The following PLEK2 variants were observed in gnomAD, a reference collection of about 807,000 sequenced individuals.
PLEK2 encodes pleckstrin-2.
In PLEK2, 29 loss-of-function variants were observed where a neutral mutation model predicts 43.8. The observed-to-expected ratio is 0.66, with a 90% CI of 0.49 to 0.90. The LOEUF is 0.90. PLEK2 is among the 40% of genes least tolerant of loss of function. The pLI is 0.00. For synonymous variants in PLEK2, 162 were observed against 173.2 expected, an observed-to-expected ratio of 0.94 and a Z score of 0.51; for missense variants, 398 against 448.1, an observed-to-expected ratio of 0.89 and a Z score of 1.01.
chr14:67,408,356 A>C (rs181726111), intron 1 of PLEK2, among the ~76,000 whole-genome samples: 2 of 150,272 alleles, frequency 1.3e-5, no homozygotes, highest in Non-Finnish European at 3.0e-5. Context: ...AAATAAAATA[A>C]AAAAAGAAAA....
chr14:67,406,935 T>A (rs1318050447), intron 1 of PLEK2, among the ~76,000 whole-genome samples: 1 of 152,134 alleles, frequency 6.6e-6, no homozygotes, highest in Non-Finnish European at 1.5e-5. Context: ...TTTAGGTTTC[T>A]TGTCTGTAAT....
Position 67,412,118 on chromosome 14 carries a change from C to G in PLEK2, c.-59G>C. The G allele has an allele frequency of 7.0e-7, 1 of 1,425,340 alleles. No individual in the cohort carries two copies. The highest frequency in any genetic ancestry group is 1.4e-5 in the South Asian group (1 of 70,598). 88.3% of individuals were successfully genotyped at this position (1,425,340 alleles called of 1,614,324 possible). On this transcript the variant is annotated 5_prime_UTR_variant, in exon 1 of 9. Transcript: ENST00000216446. ...CGCCTTCCCCGCGCCTCGCGCTCCT[C>G]GGCACCCGCGCAGCCCGCGCAGTCC...
intron 1 of PLEK2, among the ~76,000 whole-genome samples, chr14:67,401,313 C>T (rs189541260): frequency 1.3e-5 from 2 of 152,008 alleles, no homozygotes; most frequent in East Asian, 3.9e-4. Context: ...ATAGGAAGAC[C>T]TCATCTCTAT....
chr14:67,393,106 G>A (rs1188801941), intron 4 of PLEK2, 44 bp downstream of exon 4: 2 of 1,398,196 alleles, frequency 1.4e-6, no homozygotes, highest in South Asian at 1.2e-5. Flanking sequence ...GCATCACCAT[G>A]TCCCAGCTTG....
At chr14:67,390,826 A>T (rs373117442) in intron 6 of PLEK2, 80 bp from the exon 7 acceptor site, 1 of 996,602 alleles carries the variant, frequency 1.0e-6, no homozygotes, top group Admixed American at 1.7e-5. Flanking sequence ...GTAATGCCAA[A>T]CCCCCAACAA....
At chr14:67,407,164 C>T (rs531890340) in intron 1 of PLEK2, among the ~76,000 whole-genome samples, 8 of 152,182 alleles carry the variant, frequency 5.3e-5, no homozygotes, top group Non-Finnish European at 7.4e-5. Context: ...CACTGTCGCC[C>T]GGGCTAGAGT....
At chr14:67,389,166 AACTTCAT>A (rs1281881133) in intron 7 of PLEK2, among the ~76,000 whole-genome samples, 3 of 152,060 alleles carry the variant, frequency 2.0e-5, no homozygotes, top group Non-Finnish European at 4.4e-5. Context: ...ATCAATAATC[AACTTCAT>A]ACTGCATGTT....
At position 67,387,110 on chromosome 14, in the gene PLEK2, C is replaced by A; in HGVS notation, c.*219G>T. 2.5e-6 allele frequency: 1 copy of A among 402,680 alleles called. No homozygotes were observed. The highest frequency in any genetic ancestry group is 4.4e-6 in the Non-Finnish European group (1 of 227,724). The allele number at this position is 402,680 out of a possible 1,614,324, so 24.9% of individuals were successfully genotyped here. A position where few individuals can be genotyped will look rare whatever the true frequency, so the allele number is the denominator to read the frequency against. On this transcript the variant is annotated 3_prime_UTR_variant, in exon 9 of 9. Coordinates refer to ENST00000216446, the MANE Select transcript of PLEK2 (RefSeq NM_016445.3). ...CTGGGGAAAAGTCAAGATGCTGACG[C>A]CTAATGGCTGTTCTAGCCTTTCCAG...
intron 1 of PLEK2, among the ~76,000 whole-genome samples, chr14:67,405,520 G>A (rs2086072786): frequency 6.6e-6 from 1 of 152,124 alleles, no homozygotes; most frequent in Admixed American, 6.6e-5. Context: ...ACAGATGACT[G>A]GCATGGCCTC....
intron 1 of PLEK2, 104 bp from the exon 2 acceptor site, chr14:67,397,930 A>T (rs1253580422): frequency 3.4e-6 from 3 of 879,110 alleles, no homozygotes; most frequent in African/African-American, 3.4e-5. Context: ...GTGCTGTGGA[A>T]ATCAGTCTCC....
At chr14:67,405,104 G>A (rs898245131) in intron 1 of PLEK2, among the ~76,000 whole-genome samples, 2 of 151,428 alleles carry the variant, frequency 1.3e-5, no homozygotes, top group Non-Finnish European at 2.9e-5. Context: ...GTGGTGGCAG[G>A]CGCCTGTAAT....
intron 1 of PLEK2, among the ~76,000 whole-genome samples, chr14:67,405,236 A>AG (rs894965536): frequency 1.3e-5 from 2 of 151,770 alleles, no homozygotes; most frequent in Non-Finnish European, 2.9e-5. Flanking sequence ...AAAAAAAAAA[A>AG]AAAAAAAAAA....
chr14:67,409,609 G>A (rs1332946974), intron 1 of PLEK2, among the ~76,000 whole-genome samples: 2 of 151,920 alleles, frequency 1.3e-5, no homozygotes, highest in Non-Finnish European at 2.9e-5. Flanking sequence ...CCACTCCCCT[G>A]ACAGCCAGGC....
At chr14:67,405,125 C>T (rs1279774937) in intron 1 of PLEK2, among the ~76,000 whole-genome samples, 1 of 147,236 alleles carries the variant, frequency 6.8e-6, no homozygotes, top group Non-Finnish European at 1.5e-5. Context: ...CCCAGCTACT[C>T]AGGAGGCTGA....
intron 1 of PLEK2, among the ~76,000 whole-genome samples, chr14:67,411,030 C>T (rs1272516303): frequency 6.6e-6 from 1 of 151,340 alleles, no homozygotes; most frequent in African/African-American, 2.4e-5. Flanking sequence ...ACCTGTAGTC[C>T]CAGCTACTAG....
intron 1 of PLEK2, among the ~76,000 whole-genome samples, chr14:67,400,106 C>G (rs2086037824): frequency 6.6e-6 from 1 of 152,150 alleles, no homozygotes; most frequent in Admixed American, 6.5e-5. Flanking sequence ...TGTTAGAGAG[C>G]CAAAAGTTGT....
Position 67,397,718 on chromosome 14 carries a change from T to A in PLEK2, c.151A>T (p.Ile51Phe). ...GRRVTPPKGRILLDGCTITCP... is the reference protein window; with the variant it reads ...GRRVTPPKGRFLLDGCTITCP... ...GTGATGGTGCAGCCATCCAGGAGGATCCGGCCCTTGGGAGGGGTCACTCTC... is the reference window on the plus strand; with the variant it reads ...GTGATGGTGCAGCCATCCAGGAGGAACCGGCCCTTGGGAGGGGTCACTCTC... The change falls in exon 2 of 9, where the codon ATC (isoleucine) becomes TTC (phenylalanine). Residue 51 changes from isoleucine to phenylalanine, a missense_variant. Ile to Phe is a conservative substitution (Grantham distance 21). Coordinates refer to ENST00000216446, the MANE Select transcript of PLEK2 (RefSeq NM_016445.3). The A allele has an allele frequency of 1.2e-6, 2 of 1,613,570 alleles. No homozygotes were observed. The highest frequency in any genetic ancestry group is 1.7e-6 in the Non-Finnish European group (2 of 1,179,812).
Position 67,395,514 on chromosome 14 carries a change from C to T in PLEK2, c.277G>A (p.Asp93Asn), listed in dbSNP as rs560999030. The T allele has an allele frequency of 6.2e-7, 1 of 1,614,110 alleles. No individual in the cohort carries two copies. Among genetic ancestry groups the T allele is most frequent in the Non-Finnish European group, 8.5e-7 (1 of 1,179,944 alleles). The change falls in exon 3 of 9, where the codon GAT (aspartate) becomes AAT (asparagine). Residue 93 changes from aspartate (D) to asparagine (N), a missense_variant. Coordinates refer to ENST00000216446, the MANE Select transcript of PLEK2 (RefSeq NM_016445.3). ...CCGGTGATCTCAAAGGCCCAGGCATCCCGCTCCTCTCGAGAACAGGCCTCC... is the reference window on the plus strand; with the variant it reads ...CCGGTGATCTCAAAGGCCCAGGCATTCCGCTCCTCTCGAGAACAGGCCTCC... ...FLEACSREER[D>N]AWAFEITGAI...
intron 2 of PLEK2, among the ~76,000 whole-genome samples, chr14:67,396,806 T>C (rs1001045363): frequency 2.0e-5 from 3 of 152,234 alleles, no homozygotes; most frequent in African/African-American, 7.2e-5. Flanking sequence ...CCAAATATTT[T>C]TCAATTAACC....
Sources: allele counts gnomAD v4.1 joint callset (sites outside exome capture counted in the v4.1 genomes callset), GRCh38; gene constraint gnomAD v4.1.1; transcripts MANE v1.5; gene names NCBI Gene and HGNC (gene_info 2026-07-23, HGNC 2026-07-21).